Variants in PIK3AP1 observed in about 807,000 individuals in gnomAD.
The protein encoded by PIK3AP1 is phosphoinositide 3-kinase adapter protein 1.
Under a neutral mutation model 88.1 loss-of-function variants are expected in PIK3AP1, and 21 were observed. The observed-to-expected ratio is 0.24, with a 90% CI of 0.17 to 0.34. PIK3AP1 has a LOEUF of 0.34. Ranked by LOEUF, PIK3AP1 falls within the 10% of genes least tolerant of loss-of-function variation. PIK3AP1 has a pLI of 1.00. For missense variants in PIK3AP1, 828 were observed against 1,035.7 expected, an observed-to-expected ratio of 0.80 and a Z score of 2.75; for synonymous variants, 398 against 400.0, an observed-to-expected ratio of 1.00 and a Z score of 0.06.
chr10:96,629,271 C>T (rs1843204859), intron 8 of PIK3AP1, among the ~76,000 whole-genome samples: 1 of 151,888 alleles, frequency 6.6e-6, no homozygotes, highest in Non-Finnish European at 1.5e-5. Flanking sequence ...TTTATGAATT[C>T]ATAAATATGC....
intron 8 of PIK3AP1, among the ~76,000 whole-genome samples, chr10:96,641,265 C>T (rs1665743745): frequency 1.3e-5 from 2 of 152,144 alleles, no homozygotes; most frequent in African/African-American, 4.8e-5. Flanking sequence ...TATAAGCTTC[C>T]AACTCAGGTG....
intron 2 of PIK3AP1, among the ~76,000 whole-genome samples, chr10:96,708,574 C>CAAAAAAAAAA (rs924470384): frequency 7.8e-5 from 1 of 12,822 alleles, no homozygotes; most frequent in Non-Finnish European, 1.9e-4. Flanking sequence ...GGATCTGTCT[C>CAAAAAAAAAA]AAAAAAAAAA....
At chr10:96,716,946 G>C (rs1251708474) in intron 1 of PIK3AP1, among the ~76,000 whole-genome samples, 1 of 152,136 alleles carries the variant, frequency 6.6e-6, no homozygotes, top group African/African-American at 2.4e-5. Flanking sequence ...GGCTGAAAGA[G>C]AGGTGCCTTT....
chr10:96,661,480 T>G lies in PIK3AP1; in HGVS notation c.431-4546A>C, dbSNP rs548202030. 8.5e-4 allele frequency among the ~76,000 whole-genome samples: 130 copies of G among 152,270 alleles called. 1 individual carries two copies. The highest frequency in any genetic ancestry group is 3.1e-3 in the African/African-American group (127 of 41,554). The stretch of plus-strand genomic sequence containing the variant: ...TGATGCATCAATGTAGATTCATCAG[T>G]GGTAACAAATGTGCCACTCTGGTGC... On this transcript the variant is annotated intron_variant, in intron 2 of 16. Coordinates refer to ENST00000339364, the MANE Select transcript of PIK3AP1 (RefSeq NM_152309.3).
At chr10:96,718,109 C>A (rs969362680) in intron 1 of PIK3AP1, among the ~76,000 whole-genome samples, 1 of 152,092 alleles carries the variant, frequency 6.6e-6, no homozygotes, top group African/African-American at 2.4e-5. Flanking sequence ...GTAGAGAAAT[C>A]TATAGAGGCA....
chr10:96,610,430 G>A (rs61858218), intron 13 of PIK3AP1, among the ~76,000 whole-genome samples: 21,432 of 151,874 alleles, frequency 0.14, 1,632 homozygotes, highest in African/African-American at 0.19. Flanking sequence ...ATGTCCTGTC[G>A]AACAGTTGGT....
At chr10:96,644,187 T>C (rs1446202392) in intron 8 of PIK3AP1, among the ~76,000 whole-genome samples, 1 of 152,150 alleles carries the variant, frequency 6.6e-6, no homozygotes, top group Non-Finnish European at 1.5e-5. Context: ...AGATGGCATT[T>C]AGGAAAAGGG....
intron 16 of PIK3AP1, among the ~76,000 whole-genome samples, chr10:96,599,075 G>A (rs1387194391): frequency 1.3e-5 from 2 of 152,208 alleles, no homozygotes; most frequent in African/African-American, 4.8e-5. Context: ...GTAAGTGTGG[G>A]CCTTCAAGAA....
intron 2 of PIK3AP1, among the ~76,000 whole-genome samples, chr10:96,703,998 C>G (rs1162267701): frequency 6.6e-6 from 1 of 152,092 alleles, no homozygotes; most frequent in Non-Finnish European, 1.5e-5. Context: ...GAAATAAAAC[C>G]TCCAAAACAT....
intron 8 of PIK3AP1, among the ~76,000 whole-genome samples, chr10:96,634,410 C>G (rs1843286534): frequency 6.6e-6 from 1 of 152,186 alleles, no homozygotes; most frequent in Non-Finnish European, 1.5e-5. Flanking sequence ...AATAGAGACC[C>G]AGGTGATGGC....
intron 2 of PIK3AP1, among the ~76,000 whole-genome samples, chr10:96,688,476 T>G (rs1230629599): frequency 2.0e-5 from 3 of 152,232 alleles, no homozygotes; most frequent in African/African-American, 7.2e-5. Context: ...TTACATATAT[T>G]TATCATGTAC....
intron 8 of PIK3AP1, among the ~76,000 whole-genome samples, chr10:96,631,538 T>C (rs991567629): frequency 6.6e-6 from 1 of 152,198 alleles, no homozygotes; most frequent in Non-Finnish European, 1.5e-5. Context: ...CTTTGGGTAC[T>C]ATAACCCCTT....
chr10:96,593,819 A>T lies in PIK3AP1; in HGVS notation c.*1758T>A, dbSNP rs1332338217. 6.6e-6 allele frequency: 1 copy of T among 152,224 alleles called. No individual in the cohort carries two copies. The highest frequency in any genetic ancestry group is 1.5e-5 in the Non-Finnish European group (1 of 68,034). The allele number at this position is 152,224 out of a possible 1,614,324, so 9.4% of individuals were successfully genotyped here. A position where few individuals can be genotyped will look rare whatever the true frequency, so the allele number is the denominator to read the frequency against. On this transcript the variant is annotated 3_prime_UTR_variant, in exon 17 of 17. Transcript: ENST00000339364. ...TCAAAAAACAAAAACAAAACCCAAG[A>T]TTCCAGAAGCTGTTTCTGACAAGAA... is the stretch of plus-strand genomic sequence containing the variant.
At chr10:96,609,050 G>A (rs1388657308) in intron 14 of PIK3AP1, among the ~76,000 whole-genome samples, 4 of 152,192 alleles carry the variant, frequency 2.6e-5, no homozygotes, top group Admixed American at 6.5e-5. Flanking sequence ...GCAATCAGAC[G>A]ACTATTGAAG....
intron 10 of PIK3AP1, among the ~76,000 whole-genome samples, chr10:96,626,407 T>C (rs1843154091): frequency 6.6e-6 from 1 of 152,224 alleles, no homozygotes; most frequent in South Asian, 2.1e-4. Flanking sequence ...ATGTTAGCAA[T>C]TCAAATTTCA....
rs1429236810 is a variant in PIK3AP1 at position 96,598,748 on chromosome 10, C to T, written c.2361-3114G>A. Among the ~76,000 whole-genome samples the T allele has an allele frequency of 3.3e-5, 5 of 152,276 alleles. No individual in the cohort carries two copies. In the East Asian group the frequency reaches 9.6e-4, roughly 29 times the overall value. ...CTTCACAGAGGAGGTGATGTTTGAA[C>T]TGAGTCCTAAAGGATGTATAGGAAT... On this transcript the variant is annotated intron_variant, in intron 16 of 16. Coordinates refer to ENST00000339364, the MANE Select transcript of PIK3AP1 (RefSeq NM_152309.3).
chr10:96,629,927 A>AAAAAAAAAAAG (rs1564961851), intron 8 of PIK3AP1, among the ~76,000 whole-genome samples: 25 of 14,612 alleles, frequency 1.7e-3, no homozygotes, highest in South Asian at 7.2e-3. Context: ...AAAAAAAAAA[A>AAAAAAAAAAAG]AAAAAGAAGA....
In PIK3AP1 at chr10:96,636,056, C is replaced by T. The variant is rs549637177; in HGVS notation, c.1376-7563G>A. Among the ~76,000 whole-genome samples, 3 of 151,938 alleles carry T rather than the reference C, an allele frequency of 2.0e-5. No individual in the cohort carries two copies. In the South Asian group the frequency reaches 6.2e-4, roughly 32 times the overall value. On this transcript the variant is annotated intron_variant, in intron 8 of 16. Coordinates refer to ENST00000339364, the MANE Select transcript of PIK3AP1 (RefSeq NM_152309.3). Reference sequence around the variant, plus strand: ...CCCCGTCTCTACTAAAAACAAACAACAACAACAACAAAATTAGCCAGGCGT... The same window carrying T: ...CCCCGTCTCTACTAAAAACAAACAATAACAACAACAAAATTAGCCAGGCGT...
intron 8 of PIK3AP1, among the ~76,000 whole-genome samples, chr10:96,633,613 G>A (rs1167917981): frequency 2.0e-5 from 3 of 152,170 alleles, no homozygotes; most frequent in Admixed American, 6.5e-5. Context: ...CCAGGCTAAT[G>A]TCCTAAACAG....
Sources: gnomAD v4.1 joint callset for allele counts (sites outside exome capture counted in the v4.1 genomes callset) on GRCh38, gnomAD v4.1.1 for gene constraint, MANE v1.5 for transcripts, NCBI Gene and HGNC (gene_info 2026-07-23, HGNC 2026-07-21) for gene names.